Variants in MDN1 observed in about 807,000 individuals in gnomAD.
MDN1 encodes midasin AAA ATPase 1, also known as midasin.
In MDN1, 266 loss-of-function variants were observed where a neutral mutation model predicts 669.2. The observed-to-expected ratio is 0.40, with a 90% CI of 0.36 to 0.44. MDN1 has a LOEUF of 0.44. MDN1 is among the 20% of genes least tolerant of loss of function. The pLI, the probability that MDN1 is intolerant of heterozygous loss-of-function variation, is 1.00. For synonymous variants in MDN1, 2,385 were observed against 2,457.1 expected (o/e 0.97, Z 0.87); for missense variants, 5,940 against 6,754.0 (o/e 0.88, Z 4.22).
intron 21 of MDN1, 38 bp downstream of exon 21, chr6:89,754,045 A>G (rs1817098484): frequency 6.3e-7 from 1 of 1,596,360 alleles, no homozygotes; most frequent in African/African-American, 1.3e-5. Context: ...GAACCCATCC[A>G]TTAAGCTCAT....
intron 29 of MDN1, 120 bp downstream of exon 29, chr6:89,745,147 AAAAAAG>A (rs1816535417): frequency 2.0e-6 from 2 of 1,002,734 alleles, no homozygotes; most frequent in East Asian, 7.5e-5. Context: ...AAAAAAAAAA[AAAAAAG>A]AAAAAAGAGG....
At chr6:89,781,223 C>A (rs192726963) in intron 10 of MDN1, 176 bp downstream of exon 10, 4 of 633,092 alleles carry the variant, frequency 6.3e-6, no homozygotes, top group Admixed American at 2.8e-5. Flanking sequence ...ATGAAGCAAC[C>A]TATAATTTCA....
intron 76 of MDN1, among the ~76,000 whole-genome samples, chr6:89,676,853 G>A (rs1452496662): frequency 3.9e-5 from 6 of 152,076 alleles, no homozygotes; most frequent in South Asian, 2.1e-4. Flanking sequence ...GTAAACAGAG[G>A]TAGCTCTGCC....
chr6:89,657,659 T>G (rs1809414082), intron 90 of MDN1, among the ~76,000 whole-genome samples: 1 of 152,198 alleles, frequency 6.6e-6, no homozygotes, highest in Non-Finnish European at 1.5e-5. Flanking sequence ...GTCTAACAAC[T>G]TTTTCTTATT....
intron 83 of MDN1, among the ~76,000 whole-genome samples, chr6:89,670,140 A>AT (rs1491552611): frequency 2.4e-5 from 1 of 41,414 alleles, no homozygotes; most frequent in African/African-American, 1.8e-4. Flanking sequence ...CCAAAAAAAC[A>AT]TATATATATA....
intron 1 of MDN1, among the ~76,000 whole-genome samples, chr6:89,807,038 T>C (rs780213869): frequency 6.6e-6 from 1 of 152,204 alleles, no homozygotes; most frequent in Non-Finnish European, 1.5e-5. Flanking sequence ...ATTTTGAAGA[T>C]TTCTTAAGAC....
At chr6:89,795,761 G>C (rs1287690002) in intron 2 of MDN1, among the ~76,000 whole-genome samples, 2 of 151,934 alleles carry the variant, frequency 1.3e-5, no homozygotes, top group Non-Finnish European at 2.9e-5. Context: ...CTAGACAGCT[G>C]GACCAATATG....
At chr6:89,657,318 G>C (rs1333172215) in intron 90 of MDN1, among the ~76,000 whole-genome samples, 1 of 152,128 alleles carries the variant, frequency 6.6e-6, no homozygotes, top group East Asian at 1.9e-4. Flanking sequence ...CAATATAAAT[G>C]GTTGTTATTG....
chr6:89,708,403 AAC>A, intron 51 of MDN1, 91 bp downstream of exon 51: 1 of 1,464,726 alleles, frequency 6.8e-7, no homozygotes, highest in East Asian at 2.3e-5. Context: ...CACAAAATTC[AAC>A]ACACATAAGC....
At chr6:89,730,645 C>G in intron 35 of MDN1, 81 bp downstream of exon 35, 1 of 1,064,364 alleles carries the variant, frequency 9.4e-7, no homozygotes, top group Non-Finnish European at 1.4e-6. Context: ...GAGTATTACA[C>G]ATTAAAACTA....
intron 17 of MDN1, among the ~76,000 whole-genome samples, chr6:89,760,078 AAATAAT>A (rs142454105): frequency 2.0e-5 from 3 of 151,874 alleles, no homozygotes; most frequent in Non-Finnish European, 4.4e-5. Context: ...TCTCAAAAAA[AAATAAT>A]AATAATAATT....
intron 67 of MDN1, 122 bp from the exon 68 acceptor site, chr6:89,687,560 A>G: frequency 1.4e-6 from 1 of 714,512 alleles, no homozygotes; most frequent in Non-Finnish European, 2.3e-6. Flanking sequence ...AACTTGCACC[A>G]ATTGTAGGAA....
intron 15 of MDN1, among the ~76,000 whole-genome samples, chr6:89,764,168 A>G (rs1359351213): frequency 6.6e-6 from 1 of 152,218 alleles, no homozygotes; most frequent in Non-Finnish European, 1.5e-5. Flanking sequence ...GTGAGCTATG[A>G]TAACACCACT....
At chr6:89,814,534 A>C (rs900398428) in intron 1 of MDN1, among the ~76,000 whole-genome samples, 4 of 152,016 alleles carry the variant, frequency 2.6e-5, no homozygotes, top group African/African-American at 9.7e-5. Flanking sequence ...CAAAATATAT[A>C]GCTTTGACAA....
chr6:89,750,625 A>G (rs1305587986), intron 23 of MDN1, 93 bp from the exon 24 acceptor site: 3 of 1,274,398 alleles, frequency 2.4e-6, no homozygotes, highest in Non-Finnish European at 2.2e-6. Flanking sequence ...TTGTTTGACA[A>G]AGGGTTTCAC....
At chr6:89,715,624 T>G (rs769240712) in intron 45 of MDN1, 29 bp downstream of exon 45, 1 of 1,399,314 alleles carries the variant, frequency 7.1e-7, no homozygotes, top group Admixed American at 1.7e-5. Flanking sequence ...TGTCAGATTC[T>G]GAGGCAGAAA....
Position 89,746,604 on chromosome 6 carries a change from AAAAAAAAAAAGAAAGAAAG to A in MDN1, c.3904+706_3904+724del, listed in dbSNP as rs1425652580. ...GGGAGACTCTATCTCAAAAAAAAAA[AAAAAAAAAAAGAAAGAAAG>A]AAAGAAAGAAAGAAAGAAAGAAAGA... is the stretch of plus-strand genomic sequence containing the variant. On this transcript the variant is annotated intron_variant, in intron 27 of 101. Coordinates refer to ENST00000369393, the MANE Select transcript of MDN1 (RefSeq NM_014611.3). Among the ~76,000 whole-genome samples the A allele has an allele frequency of 1.5e-4, 10 of 64,856 alleles. No individual in the cohort carries two copies. In the East Asian group the frequency reaches 1.9e-3, roughly 13 times the overall value. The allele number at this position is 64,856 out of a possible 152,430, so 42.5% of individuals were successfully genotyped here.
chr6:89,735,415 C>A (rs1815907928), intron 33 of MDN1, among the ~76,000 whole-genome samples: 2 of 149,210 alleles, frequency 1.3e-5, no homozygotes, highest in Non-Finnish European at 3.0e-5. Context: ...ACTCTGTTGC[C>A]CAGGCTGGAG....
At chr6:89,774,781 A>C (rs1164274097) in intron 12 of MDN1, 48 bp from the exon 13 acceptor site, 1 of 1,334,532 alleles carries the variant, frequency 7.5e-7, no homozygotes, top group Non-Finnish European at 1.1e-6. Flanking sequence ...ATGCTTTTGG[A>C]ATATTTCCTC....
Sources: allele counts gnomAD v4.1 joint callset (sites outside exome capture counted in the v4.1 genomes callset), GRCh38; gene constraint gnomAD v4.1.1; transcripts MANE v1.5; gene names NCBI Gene and HGNC (gene_info 2026-07-23, HGNC 2026-07-21).